Variants in ARMC6 observed in about 807,000 individuals in gnomAD.
ARMC6 encodes the protein armadillo repeat-containing protein 6.
In ARMC6, 43 loss-of-function variants were observed where a neutral mutation model predicts 49.2. The ratio of observed to expected loss-of-function variants is 0.87; its 90% confidence interval spans 0.69 to 1.13. ARMC6 has a LOEUF of 1.13. ARMC6 is among the 50% of genes most tolerant of loss of function. ARMC6 has a pLI of 0.00. For missense variants in ARMC6, 627 were observed against 682.0 expected, an observed-to-expected ratio of 0.92 and a Z score of 0.90; for synonymous variants, 262 against 289.6, an observed-to-expected ratio of 0.90 and a Z score of 0.97.
intron 2 of ARMC6, chr19:19,037,484 A>G: frequency 2.5e-6 from 1 of 406,338 alleles, no homozygotes; most frequent in Non-Finnish European, 4.7e-6. Flanking sequence ...CTCCCACCTC[A>G]GCCTCCCAAA....
Position 19,055,471 on chromosome 19 carries a change from A to G in ARMC6, c.1155+75A>G. 1 of 1,518,452 alleles carries G rather than the reference A, an allele frequency of 6.6e-7. No homozygotes were observed. The highest frequency in any genetic ancestry group is 8.8e-7 in the Non-Finnish European group (1 of 1,132,782). 94.1% of individuals were successfully genotyped at this position (1,518,452 alleles called of 1,614,324 possible). ...CAGTTCAGTTTCTGTATCTGCATGA[A>G]GCTCTATTCCCCTGCAGGGCCAGGG... On this transcript the variant is annotated intron_variant, in intron 7 of 8. Coordinates refer to ENST00000535612, the MANE Select transcript of ARMC6 (RefSeq NM_001199196.2). The surrounding 1 kb of genome is among the most constrained non-coding windows in gnomAD (Gnocchi z 5.7).
chr19:19,056,417 A>T (rs2059545535), intron 8 of ARMC6, among the ~76,000 whole-genome samples: 1 of 152,016 alleles, frequency 6.6e-6, no homozygotes, highest in East Asian at 1.9e-4. Flanking sequence ...ATGGGCCACC[A>T]CGCCCAGCTA....
At chr19:19,051,004 G>C (rs1275461007) in intron 4 of ARMC6, among the ~76,000 whole-genome samples, 1 of 152,176 alleles carries the variant, frequency 6.6e-6, no homozygotes, top group East Asian at 1.9e-4. Flanking sequence ...AGTTGAATTT[G>C]GATAAATCTG....
intron 3 of ARMC6, 47 bp from the exon 4 acceptor site, chr19:19,043,945 C>CA: frequency 1.9e-6 from 3 of 1,567,444 alleles, no homozygotes; most frequent in East Asian, 4.5e-5. Context: ...TGACAGCTGT[C>CA]ACTTTCTTTC....
At chr19:19,048,266 A>T (rs1321939471) in intron 4 of ARMC6, among the ~76,000 whole-genome samples, 11 of 152,168 alleles carry the variant, frequency 7.2e-5, no homozygotes, top group Admixed American at 3.3e-4. Context: ...GAATTGCTTG[A>T]ACCCGGGAGG....
chr19:19,056,134 T>C (rs2059542751), intron 8 of ARMC6, among the ~76,000 whole-genome samples: 1 of 152,206 alleles, frequency 6.6e-6, no homozygotes, highest in African/African-American at 2.4e-5. Flanking sequence ...GAATTCTGCC[T>C]TCATTTGCCT....
intron 3 of ARMC6, among the ~76,000 whole-genome samples, chr19:19,043,772 A>C (rs1158646773): frequency 6.6e-6 from 1 of 151,798 alleles, no homozygotes; most frequent in Non-Finnish European, 1.5e-5. Context: ...CCTCACTACC[A>C]CTCTGCTCCC....
At chr19:19,053,529 G>T (rs1288318199) in intron 5 of ARMC6, among the ~76,000 whole-genome samples, 1 of 152,176 alleles carries the variant, frequency 6.6e-6, no homozygotes, top group Admixed American at 6.5e-5. Context: ...ATAGCTGATT[G>T]TGGATGGTAA....
chr19:19,041,048 A>G (rs1438594417), intron 2 of ARMC6, among the ~76,000 whole-genome samples: 2 of 151,874 alleles, frequency 1.3e-5, no homozygotes, highest in African/African-American at 4.8e-5. Context: ...TGTCCAGGCT[A>G]GTGTTGAACT....
chr19:19,039,053 C>A (rs942800054), intron 2 of ARMC6, among the ~76,000 whole-genome samples: 2 of 152,044 alleles, frequency 1.3e-5, no homozygotes, highest in Non-Finnish European at 2.9e-5. Context: ...TTGCTCAGTT[C>A]TTTTTGTTTT....
rs902524641 is a variant in ARMC6 at position 19,043,886 on chromosome 19, G to A, written c.197-106G>A. 23 of 973,100 alleles carry A rather than the reference G, an allele frequency of 2.4e-5. No homozygotes were observed. The African/African-American group carries it at 3.3e-4, about 14-fold the overall frequency. 60.3% of individuals were successfully genotyped at this position (973,100 alleles called of 1,614,324 possible). ...AGGTGGGAGGCTTCTGGAGTGGGGT[G>A]GTCCCAGCAGAAGGGTCCTGAGGTG... is the stretch of plus-strand genomic sequence containing the variant. On this transcript the variant is annotated intron_variant, in intron 3 of 8. Transcript: ENST00000535612.
At position 19,033,605 on chromosome 19, in the gene ARMC6, G is replaced by A; in HGVS notation, c.-405G>A. 1.7e-6 allele frequency: 2 copies of A among 1,179,440 alleles called. No homozygotes were observed. The highest frequency in any genetic ancestry group is 1.0e-6 in the Non-Finnish European group (1 of 955,058). The allele number at this position is 1,179,440 out of a possible 1,614,324, so 73.1% of individuals were successfully genotyped here. A position where few individuals can be genotyped will look rare whatever the true frequency, so the allele number is the denominator to read the frequency against. On this transcript the variant is annotated 5_prime_UTR_variant, in exon 1 of 9. Coordinates refer to ENST00000535612, the MANE Select transcript of ARMC6 (RefSeq NM_001199196.2). ...CTGGTGCGCAGGCGCGGGCCGCCGC[G>A]GCCCGGCTCTCTTGCGCAAGCGCGC...
chr19:19,057,491 G>C lies in ARMC6; in HGVS notation c.1369G>C (p.Ala457Pro). Reference sequence around the variant, plus strand: ...CTCGAAGCCCATCCTGGACCTGGGGGCTGAGGCACTCATCATGCAGGCCCG... The same window carrying C: ...CTCGAAGCCCATCCTGGACCTGGGGCCTGAGGCACTCATCATGCAGGCCCG... The part of the protein sequence containing the change: ...AFSKPILDLG[A>P]EALIMQARSA... Residue 457 changes from alanine (A) to proline (P), a missense_variant, in exon 9 of 9, where the codon GCT becomes CCT. By Grantham distance (27) the Ala-to-Pro change is conservative. Coordinates refer to ENST00000535612, the MANE Select transcript of ARMC6 (RefSeq NM_001199196.2). 1.9e-6 allele frequency: 3 copies of C among 1,614,100 alleles called. No homozygotes were observed. The South Asian group carries it at 3.3e-5, about 18-fold the overall frequency.
intron 8 of ARMC6, among the ~76,000 whole-genome samples, chr19:19,056,515 A>T (rs1033049237): frequency 5.3e-5 from 8 of 151,910 alleles, no homozygotes; most frequent in African/African-American, 1.9e-4. Flanking sequence ...ACCCACCTCC[A>T]CCTCCCAAAG....
chr19:19,039,308 A>T (rs2059394148), intron 2 of ARMC6: 1 of 440,488 alleles, frequency 2.3e-6, no homozygotes, highest in Admixed American at 2.5e-5. Context: ...CTATATTTTT[A>T]AATTTTTTTG....
rs181670979 is a variant in ARMC6 at position 19,049,897 on chromosome 19, G to A, written c.280-1725G>A. ...AAATTATCCGGGCGTGGTGGCACAT[G>A]CCTGTAGTCCCAGCTGCTCAGGAGG... On this transcript the variant is annotated intron_variant, in intron 4 of 8. Coordinates refer to ENST00000535612, the MANE Select transcript of ARMC6 (RefSeq NM_001199196.2). Among the ~76,000 whole-genome samples the A allele has an allele frequency of 3.1e-3, 476 of 152,266 alleles. 1 individual carries two copies. The highest frequency in any genetic ancestry group is 0.011 in the African/African-American group (453 of 41,542).
Position 19,044,900 on chromosome 19 carries a change from C to T in ARMC6, c.279+826C>T, listed in dbSNP as rs146751046. 3.2e-3 allele frequency among the ~76,000 whole-genome samples: 480 copies of T among 152,332 alleles called. 2 individuals carry two copies. Among genetic ancestry groups the T allele is most frequent in the African/African-American group, 0.011 (454 of 41,566 alleles). ...GCATGACACTTACTTCTCCCTACCT[C>T]GGGGTCCTGCCCTCTCCTGCCTTGA... On this transcript the variant is annotated intron_variant, in intron 4 of 8. Coordinates refer to ENST00000535612, the MANE Select transcript of ARMC6 (RefSeq NM_001199196.2).
rs1397617225 is a variant in ARMC6 at position 19,055,784 on chromosome 19, C to T, written c.1156-7C>T. On this transcript the variant is annotated splice_region_variant and splice_polypyrimidine_tract_variant and intron_variant, in intron 7 of 8. Coordinates refer to ENST00000535612, the MANE Select transcript of ARMC6 (RefSeq NM_001199196.2). This position sits in a 1 kb window ranked among gnomAD's most constrained non-coding sequence, Gnocchi z 5.7. ...CATCTCAGCCTTTCTGTGACTGGCC[C>T]CTGCAGGTGTGTGAGCAGAGCTGCG... is the stretch of plus-strand genomic sequence containing the variant. 2 of 1,549,672 alleles carry T rather than the reference C, an allele frequency of 1.3e-6. No individual in the cohort carries two copies. Among genetic ancestry groups the T allele is most frequent in the Non-Finnish European group, 1.8e-6 (2 of 1,138,110 alleles).
At chr19:19,036,350 C>T (rs1465041295) in intron 2 of ARMC6, among the ~76,000 whole-genome samples, 7 of 152,300 alleles carry the variant, frequency 4.6e-5, no homozygotes, top group Admixed American at 2.0e-4. Context: ...GCATGAGCCA[C>T]GGAGCCAGGC....
Sources: gnomAD v4.1 joint callset for allele counts (sites outside exome capture counted in the v4.1 genomes callset) on GRCh38, gnomAD v4.1.1 for gene constraint, Gnocchi (gnomAD v3.1) non-coding constraint, MANE v1.5 for transcripts, NCBI Gene and HGNC (gene_info 2026-07-23, HGNC 2026-07-21) for gene names.